The following LARP4B variants were observed in gnomAD, a reference collection of about 807,000 sequenced individuals.
The protein encoded by LARP4B is la-related protein 4B.
A neutral mutation model predicts 89.8 loss-of-function variants in LARP4B; 12 were observed. The ratio of observed to expected loss-of-function variants is 0.13; its 90% confidence interval spans 0.09 to 0.22. The LOEUF (loss-of-function observed/expected upper bound fraction) is 0.22. Ranked by LOEUF, LARP4B falls within the 10% of genes least tolerant of loss-of-function variation. The pLI is 1.00. For synonymous variants in LARP4B, 367 were observed against 363.3 expected (o/e 1.01, Z -0.12); for missense variants, 757 against 947.7 (o/e 0.80, Z 2.64).
At chr10:832,244 T>C (rs1046286148) in intron 8 of LARP4B, among the ~76,000 whole-genome samples, 6 of 151,818 alleles carry the variant, frequency 4.0e-5, no homozygotes, top group African/African-American at 9.7e-5. Context: ...GGGGTTTCAC[T>C]GTGTTAGCCA....
At chr10:886,790 G>A (rs958727931) in intron 1 of LARP4B, among the ~76,000 whole-genome samples, 2 of 152,112 alleles carry the variant, frequency 1.3e-5, no homozygotes, top group African/African-American at 4.8e-5. Context: ...TAGAAACAGA[G>A]AATAAAATGG....
intron 3 of LARP4B, among the ~76,000 whole-genome samples, chr10:867,927 T>C (rs185395574): frequency 4.9e-4 from 73 of 148,374 alleles, no homozygotes; most frequent in African/African-American, 1.6e-3. Context: ...TATTTTTCCA[T>C]TAAAAATGTA....
At chr10:873,781 G>C (rs1000532016) in intron 3 of LARP4B, among the ~76,000 whole-genome samples, 2 of 152,192 alleles carry the variant, frequency 1.3e-5, no homozygotes, top group African/African-American at 4.8e-5. Context: ...TGTGAAAATG[G>C]AATGATGTCA....
chr10:908,889 G>A (rs557101603), intron 1 of LARP4B, among the ~76,000 whole-genome samples: 3 of 152,300 alleles, frequency 2.0e-5, no homozygotes, highest in Admixed American at 6.5e-5. Flanking sequence ...CAGGTGGTGA[G>A]GGGCCGACCC....
At chr10:916,265 C>G (rs1227382980) in intron 1 of LARP4B, among the ~76,000 whole-genome samples, 1 of 152,174 alleles carries the variant, frequency 6.6e-6, no homozygotes, top group Non-Finnish European at 1.5e-5. Context: ...TTAACTGTAG[C>G]TACTCTAAGT....
the LARP4B span, among the ~76,000 whole-genome samples, chr10:968,767 T>C: frequency 1.1e-3 from 160 of 152,370 alleles, no homozygotes; most frequent in African/African-American, 3.7e-3. Flanking sequence ...CAGAGTCTGG[T>C]AGCTGTGGGC....
intron 1 of LARP4B, among the ~76,000 whole-genome samples, chr10:929,393 G>A (rs749517748): frequency 2.6e-5 from 4 of 152,142 alleles, no homozygotes; most frequent in Non-Finnish European, 5.9e-5. Context: ...CCAGGAGTTC[G>A]AGACCAGCCT....
At chr10:911,647 C>T (rs965646556) in intron 1 of LARP4B, among the ~76,000 whole-genome samples, 1 of 152,132 alleles carries the variant, frequency 6.6e-6, no homozygotes, top group African/African-American at 2.4e-5. Flanking sequence ...CTCTGAGACC[C>T]GCTTCGGAAC....
upstream of LARP4B, among the ~76,000 whole-genome samples, chr10:935,725 T>TTC (rs1220070350): frequency 1.6e-5 from 2 of 122,308 alleles, no homozygotes; most frequent in African/African-American, 3.3e-5. Context: ...TTCTTTTCTT[T>TTC]TTTTTTTTTT....
intron 1 of LARP4B, among the ~76,000 whole-genome samples, chr10:913,941 G>T (rs2132028563): frequency 1.3e-5 from 2 of 152,136 alleles, no homozygotes; most frequent in East Asian, 3.9e-4. Flanking sequence ...GAATAAATTA[G>T]ATGAATGTAA....
rs1482442129 is a variant in LARP4B at position 832,776 on chromosome 10, A to G, written c.751-1799T>C. On this transcript the variant is annotated intron_variant, in intron 8 of 17. Transcript: ENST00000316157. ...GATTTTCCCAAACATACTAAAGCTG[A>G]AAAAAATTCATCATCGGCAGACCTG... Among the ~76,000 whole-genome samples, 5 of 152,214 alleles carry G rather than the reference A, an allele frequency of 3.3e-5. No homozygotes were observed. In the East Asian group the frequency reaches 9.6e-4, roughly 29 times the overall value.
At chr10:979,847 C>T in the LARP4B span, among the ~76,000 whole-genome samples, 14 of 152,082 alleles carry the variant, frequency 9.2e-5, no homozygotes, top group African/African-American at 2.4e-4. Flanking sequence ...GGTGGGCACC[C>T]GTAGTCCCAG....
chr10:988,211 C>T, the LARP4B span: 577 of 450,674 alleles, frequency 1.3e-3, 2 homozygotes, highest in Middle Eastern at 5.9e-4. Flanking sequence ...CTTTACTCAG[C>T]AGGAATTTAG....
chr10:988,150 G>T, the LARP4B span: 1 of 285,122 alleles, frequency 3.5e-6, no homozygotes, highest in Non-Finnish European at 6.8e-6. Context: ...GCGTGGCTGG[G>T]GGCCTGAACC....
chr10:891,858 G>A (rs1836032704), intron 1 of LARP4B, among the ~76,000 whole-genome samples: 1 of 152,126 alleles, frequency 6.6e-6, no homozygotes, highest in Non-Finnish European at 1.5e-5. Context: ...AGTTAATAAC[G>A]TATCATTTTA....
At position 811,379 on chromosome 10, in the gene LARP4B, G is replaced by C. The variant is rs1831738635; in HGVS notation, c.*1547C>G. On this transcript the variant is annotated 3_prime_UTR_variant, in exon 18 of 18. Transcript: ENST00000316157. ...ACTCCAAGTGCACGTATTTAATACA[G>C]TATTGACTATTTGCATTTACAGGAT... The C allele has an allele frequency of 6.6e-6, 1 of 152,636 alleles. No individual in the cohort carries two copies. The highest frequency in any genetic ancestry group is 1.5e-5 in the Non-Finnish European group (1 of 68,036). The allele number at this position is 152,636 out of a possible 1,614,324, so 9.5% of individuals were successfully genotyped here.
intron 1 of LARP4B, among the ~76,000 whole-genome samples, chr10:917,036 G>A (rs1836839981): frequency 6.6e-6 from 1 of 152,138 alleles, no homozygotes. Context: ...TAATTTTGAA[G>A]ACCATTATCA....
At chr10:845,102 G>T in intron 5 of LARP4B, 47 bp from the exon 6 acceptor site, 1 of 1,426,990 alleles carries the variant, frequency 7.0e-7, no homozygotes, top group Non-Finnish European at 9.8e-7. Context: ...TTAAAATTTA[G>T]GAAGCAGATA....
chr10:914,081 TAAATATATTTAGGTTATAAACA>T (rs1005951595), intron 1 of LARP4B, among the ~76,000 whole-genome samples: 5 of 152,310 alleles, frequency 3.3e-5, no homozygotes, highest in East Asian at 1.9e-4. Flanking sequence ...ACAGAAAAGT[TAAATATATTTAGGTTATAAACA>T]AAATATATTT....
Sources: gnomAD v4.1 joint callset for allele counts (sites outside exome capture counted in the v4.1 genomes callset) on GRCh38, gnomAD v4.1.1 for gene constraint, MANE v1.5 for transcripts, NCBI Gene and HGNC (gene_info 2026-07-23, HGNC 2026-07-21) for gene names.